The following ARHGAP15 variants were observed in gnomAD, a reference collection of about 807,000 sequenced individuals.
The protein encoded by ARHGAP15 is rho GTPase-activating protein 15.
In ARHGAP15, 51 loss-of-function variants were observed where a neutral mutation model predicts 63.7. The observed-to-expected ratio is 0.80, with a 90% confidence interval of 0.64 to 1.01. The LOEUF is 1.01. Among genes scored for constraint, ARHGAP15 ranks in the 50% least tolerant of loss-of-function variants. The pLI is 0.00. For missense variants in ARHGAP15, 560 were observed against 564.6 expected (o/e 0.99, Z 0.08); for synonymous variants, 191 against 193.8 (o/e 0.99, Z 0.12).
At chr2:143,154,233 C>T (rs2105007699) in intron 1 of ARHGAP15, among the ~76,000 whole-genome samples, 1 of 151,936 alleles carries the variant, frequency 6.6e-6, no homozygotes, top group South Asian at 2.1e-4. Flanking sequence ...TTGCTTAGCA[C>T]ATAGTAGATA....
At chr2:143,204,378 A>G (rs1172221495) in intron 3 of ARHGAP15, among the ~76,000 whole-genome samples, 1 of 152,104 alleles carries the variant, frequency 6.6e-6, no homozygotes, top group Non-Finnish European at 1.5e-5. Flanking sequence ...GAAGTCCAAG[A>G]TCAGCATTCC....
chr2:143,268,396 T>C (rs1681103244), intron 6 of ARHGAP15, among the ~76,000 whole-genome samples: 1 of 152,052 alleles, frequency 6.6e-6, no homozygotes, highest in Admixed American at 6.5e-5. Context: ...TGTCAAACAA[T>C]TAAACTGATT....
intron 11 of ARHGAP15, among the ~76,000 whole-genome samples, chr2:143,592,558 G>A (rs1050282080): frequency 2.6e-5 from 4 of 152,170 alleles, no homozygotes; most frequent in African/African-American, 7.2e-5. Flanking sequence ...TGTGTTTCTC[G>A]TTGTGCAGGT....
intron 10 of ARHGAP15, among the ~76,000 whole-genome samples, chr2:143,539,409 T>A (rs1224703249): frequency 6.6e-6 from 1 of 152,170 alleles, no homozygotes; most frequent in Non-Finnish European, 1.5e-5. Flanking sequence ...AGTTATTTCT[T>A]GCCTTCTGCT....
At chr2:143,511,540 A>G (rs927701647) in intron 9 of ARHGAP15, among the ~76,000 whole-genome samples, 3 of 151,884 alleles carry the variant, frequency 2.0e-5, no homozygotes. Flanking sequence ...GTGGGAAGTC[A>G]GGAGCTCAGG....
chr2:143,694,975 A>T (rs1423343509), intron 12 of ARHGAP15, among the ~76,000 whole-genome samples: 2 of 152,186 alleles, frequency 1.3e-5, no homozygotes, highest in African/African-American at 4.8e-5. Flanking sequence ...TTGGTCTACC[A>T]ATGGAAAGAC....
intron 2 of ARHGAP15, among the ~76,000 whole-genome samples, chr2:143,194,127 T>C (rs1691786200): frequency 1.3e-5 from 2 of 152,352 alleles, no homozygotes; most frequent in Non-Finnish European, 2.9e-5. Flanking sequence ...AATAGGTAGA[T>C]AATTTTAACA....
At chr2:143,527,766 C>T (rs1200189946) in intron 10 of ARHGAP15, among the ~76,000 whole-genome samples, 1 of 152,048 alleles carries the variant, frequency 6.6e-6, no homozygotes, top group East Asian at 1.9e-4. Flanking sequence ...AATGAATTCT[C>T]AGTAAATGGT....
intron 6 of ARHGAP15, among the ~76,000 whole-genome samples, chr2:143,331,254 A>G (rs1365284111): frequency 6.6e-6 from 1 of 152,074 alleles, no homozygotes; most frequent in Admixed American, 6.6e-5. Context: ...TTATACACTG[A>G]TTGCCTTTAA....
chr2:143,555,933 A>G (rs1695777066), intron 10 of ARHGAP15, among the ~76,000 whole-genome samples: 1 of 151,168 alleles, frequency 6.6e-6, no homozygotes, highest in South Asian at 2.1e-4. Flanking sequence ...AATAGAACAG[A>G]GTAGAAATGG....
At chr2:143,202,498 T>A (rs1000214518) in intron 3 of ARHGAP15, among the ~76,000 whole-genome samples, 2 of 152,074 alleles carry the variant, frequency 1.3e-5, no homozygotes, top group African/African-American at 4.8e-5. Context: ...CTGCCCTTAT[T>A]TCCTTGCCAC....
Position 143,250,518 on chromosome 2 carries a change from G to A in ARHGAP15, c.392G>A (p.Gly131Glu), listed in dbSNP as rs1333531532. The A allele has an allele frequency of 2.5e-6, 4 of 1,612,752 alleles. No homozygotes were observed. In the East Asian group the frequency reaches 6.7e-5, roughly 27 times the overall value. The change falls in exon 6 of 14, where the codon GGG becomes GAG. Residue 131 changes from glycine to glutamate, a missense_variant. Physicochemically the swap from Gly to Glu is moderately conservative, Grantham distance 98. Transcript: ENST00000295095. ...KQQALSNMKTGHKPESVDLCG... is the reference protein window; with the variant it reads ...KQQALSNMKTEHKPESVDLCG... The stretch of plus-strand genomic sequence containing the variant: ...TCATTTTTGTGATTACAGAAAACTG[G>A]GCACAAACCAGAAAGTGTGGATTTG...
chr2:143,752,488 C>T (rs950732967), intron 13 of ARHGAP15, among the ~76,000 whole-genome samples: 4 of 152,192 alleles, frequency 2.6e-5, no homozygotes, highest in African/African-American at 7.2e-5. Flanking sequence ...TGCCAGGACC[C>T]GCCTGCATTC....
At chr2:143,273,234 G>A (rs1574192772) in intron 6 of ARHGAP15, among the ~76,000 whole-genome samples, 1 of 152,000 alleles carries the variant, frequency 6.6e-6, no homozygotes, top group East Asian at 1.9e-4. Flanking sequence ...ATCCAAAAGT[G>A]AAAGAAATTG....
At chr2:143,324,189 C>G (rs142722696) in intron 6 of ARHGAP15, among the ~76,000 whole-genome samples, 3 of 152,258 alleles carry the variant, frequency 2.0e-5, no homozygotes, top group African/African-American at 7.2e-5. Flanking sequence ...ACACACAAAA[C>G]TACAAGGAGA....
intron 11 of ARHGAP15, among the ~76,000 whole-genome samples, chr2:143,613,264 T>G (rs1698328769): frequency 6.6e-6 from 1 of 152,160 alleles, no homozygotes. Flanking sequence ...TGAAAGTAGG[T>G]TTGCCTTTTC....
At chr2:143,397,047 T>G (rs1398883613) in intron 6 of ARHGAP15, among the ~76,000 whole-genome samples, 1 of 152,088 alleles carries the variant, frequency 6.6e-6, no homozygotes, top group African/African-American at 2.4e-5. Flanking sequence ...TCCTCCACAT[T>G]ATTTCCTAAT....
At chr2:143,320,950 C>A (rs1683991209) in intron 6 of ARHGAP15, among the ~76,000 whole-genome samples, 1 of 152,172 alleles carries the variant, frequency 6.6e-6, no homozygotes, top group South Asian at 2.1e-4. Flanking sequence ...CTGTTCCTAG[C>A]TGTAACACCA....
chr2:143,452,209 T>G (rs1385873755), intron 8 of ARHGAP15, among the ~76,000 whole-genome samples: 1 of 152,000 alleles, frequency 6.6e-6, no homozygotes, highest in East Asian at 1.9e-4. Flanking sequence ...CTTGGTACTT[T>G]GGGAGGAATG....
Sources: allele counts gnomAD v4.1 joint callset (sites outside exome capture counted in the v4.1 genomes callset), GRCh38; gene constraint gnomAD v4.1.1; transcripts MANE v1.5; gene names NCBI Gene and HGNC (gene_info 2026-07-23, HGNC 2026-07-21).